Variants in STS observed in about 807,000 individuals in gnomAD.
The protein encoded by STS is steroid sulfatase, also known as steryl-sulfatase.
In STS, 7 loss-of-function variants were observed where a neutral mutation model predicts 26.8. The observed-to-expected ratio is 0.26, with a 90% CI of 0.15 to 0.49. STS has a LOEUF of 0.49. Ranked by LOEUF, STS falls within the 20% of genes least tolerant of loss-of-function variation. The pLI is 0.98. For missense variants in STS, 434 were observed against 465.6 expected (o/e 0.93, Z 0.63); for synonymous variants, 199 against 189.4 (o/e 1.05, Z -0.42).
chrX:7,324,969 G>C (rs181697960), intron 8 of STS, among the ~76,000 whole-genome samples: 73 of 111,153 alleles, frequency 6.6e-4, no homozygotes, highest in Non-Finnish European at 1.3e-4. Context: ...GCGGACACTT[G>C]GGGGCACCAT....
intron 2 of STS, among the ~76,000 whole-genome samples, chrX:7,194,790 C>T (rs1172903926): frequency 9.0e-6 from 1 of 111,695 alleles, no homozygotes; most frequent in East Asian, 2.8e-4. Context: ...GATACAGTCA[C>T]GCATCGCTGG....
intron 1 of STS, among the ~76,000 whole-genome samples, chrX:7,172,838 G>A (rs1469330822): frequency 3.6e-5 from 4 of 112,165 alleles, no homozygotes; most frequent in Non-Finnish European, 7.5e-5. Flanking sequence ...TGTTGGTGAT[G>A]TGGGACTTGA....
At chrX:7,228,330 T>C (rs1180104620) in intron 2 of STS, among the ~76,000 whole-genome samples, 1 of 111,933 alleles carries the variant, frequency 8.9e-6, no homozygotes, top group African/African-American at 3.2e-5. Context: ...AGCACCTTTT[T>C]GCATTTCCAC....
chrX:7,229,216 G>C (rs891648780), intron 2 of STS, among the ~76,000 whole-genome samples: 7 of 112,181 alleles, frequency 6.2e-5, no homozygotes, highest in African/African-American at 2.3e-4. Flanking sequence ...AACATCACAC[G>C]CTTCATCTGT....
At chrX:7,187,171 A>G (rs1457546898) in intron 1 of STS, among the ~76,000 whole-genome samples, 1 of 112,376 alleles carries the variant, frequency 8.9e-6, no homozygotes, top group Non-Finnish European at 1.9e-5. Flanking sequence ...TTGCTACCAC[A>G]GCACCCACAA....
chrX:7,320,782 G>A (rs1926990242), intron 8 of STS, among the ~76,000 whole-genome samples: 1 of 111,888 alleles, frequency 8.9e-6, no homozygotes, highest in South Asian at 3.7e-4. Flanking sequence ...ATCTGTCAGA[G>A]AATTACCTTC....
At chrX:7,291,204 T>G in intron 7 of STS, among the ~76,000 whole-genome samples, 1 of 111,453 alleles carries the variant, frequency 9.0e-6, no homozygotes, top group Non-Finnish European at 1.9e-5. Context: ...GAGTAGAAAT[T>G]CAGGATTGCT....
intron 7 of STS, among the ~76,000 whole-genome samples, chrX:7,286,182 A>T (rs1002936807): frequency 1.8e-5 from 2 of 111,688 alleles, no homozygotes; most frequent in African/African-American, 6.5e-5. Flanking sequence ...CATTAAATTT[A>T]TCTCCCACTC....
intron 1 of STS, among the ~76,000 whole-genome samples, chrX:7,183,619 A>C (rs1244004495): frequency 8.9e-6 from 1 of 112,545 alleles, no homozygotes; most frequent in Non-Finnish European, 1.9e-5. Flanking sequence ...AGACATTTCC[A>C]TTATGTAGAG....
At chrX:7,246,764 G>A (rs1014954023) in intron 2 of STS, among the ~76,000 whole-genome samples, 1 of 112,204 alleles carries the variant, frequency 8.9e-6, no homozygotes, top group Non-Finnish European at 1.9e-5. Flanking sequence ...TACACTCTCA[G>A]TCTGTGTCTT....
chrX:7,304,440 T>C (rs773022258), intron 7 of STS, among the ~76,000 whole-genome samples: 34 of 111,641 alleles, frequency 3.0e-4, no homozygotes, highest in African/African-American at 1.0e-3. Context: ...AGGAGGAATG[T>C]TGATATTTGT....
chrX:7,199,829 A>G (rs755252790), intron 2 of STS, among the ~76,000 whole-genome samples: 1 of 110,973 alleles, frequency 9.0e-6, no homozygotes, highest in South Asian at 3.8e-4. Flanking sequence ...CTGAGATCCA[A>G]ACTTTGACTC....
intron 8 of STS, among the ~76,000 whole-genome samples, chrX:7,322,382 A>G (rs1271012740): frequency 1.8e-5 from 2 of 111,468 alleles, no homozygotes; most frequent in African/African-American, 6.5e-5. Context: ...TGGCTGCCTC[A>G]ATGCAGATTC....
chrX:7,333,257 T>C (rs1262981191), intron 9 of STS, among the ~76,000 whole-genome samples: 1 of 112,583 alleles, frequency 8.9e-6, no homozygotes, highest in Non-Finnish European at 1.9e-5. Context: ...TAGCTGTTAA[T>C]TTATGTTTAA....
In STS at chrX:7,305,161, C is replaced by T. The variant is rs200234717; in HGVS notation, c.1059C>T (p.Gly353=). 290 of 1,209,072 alleles carry T rather than the reference C, an allele frequency of 2.4e-4. 1 individual carries two copies. The South Asian group carries it at 3.8e-3, about 16-fold the overall frequency. The change falls in exon 8 of 11, where the codon GGC becomes GGT. Residue 353 remains glycine (G), a synonymous_variant. Transcript: ENST00000674429. ...TGTCTTCCAAAGGAGAAATTCATGG[C>T]GGAAGTAATGGGATCTATAAAGGTG... ...EEVSSKGEIH[G]GSNGIYKGGK...
At chrX:7,262,807 TA>T (rs1446045618) in intron 6 of STS, among the ~76,000 whole-genome samples, 3 of 111,712 alleles carry the variant, frequency 2.7e-5, no homozygotes, top group Non-Finnish European at 5.6e-5. Context: ...CATTTGTAAG[TA>T]AAAAAGGTAG....
chrX:7,275,201 G>T (rs922819379), intron 6 of STS, among the ~76,000 whole-genome samples: 2 of 111,491 alleles, frequency 1.8e-5, no homozygotes, highest in African/African-American at 6.5e-5. Flanking sequence ...TAGTTAGACA[G>T]GAGGAATAGT....
intron 1 of STS, among the ~76,000 whole-genome samples, chrX:7,162,829 G>A (rs1276428442): frequency 3.0e-5 from 3 of 100,129 alleles, no homozygotes; most frequent in Non-Finnish European, 6.0e-5. Context: ...GGTGGATCAC[G>A]AGGTCAGGAG....
rs1601676741 is a variant in STS at position 7,238,922 on chromosome X, G to A, written c.-4-14274G>A. Among the ~76,000 whole-genome samples the A allele has an allele frequency of 2.7e-5, 3 of 111,356 alleles. 1 individual carries two copies. The highest frequency in any genetic ancestry group is 9.5e-5 in the Admixed American group (1 of 10,491). ...GCAACACTTAGTGTGTCTTCACTAAGTGAAGACTTCAGTGTAAAGACTTCA... is the reference window on the plus strand; with the variant it reads ...GCAACACTTAGTGTGTCTTCACTAAATGAAGACTTCAGTGTAAAGACTTCA... On this transcript the variant is annotated intron_variant, in intron 2 of 10. Coordinates refer to ENST00000674429, the MANE Select transcript of STS (RefSeq NM_001320752.2).
Sources: allele counts gnomAD v4.1 joint callset (sites outside exome capture counted in the v4.1 genomes callset), GRCh38; gene constraint gnomAD v4.1.1; transcripts MANE v1.5; gene names NCBI Gene and HGNC (gene_info 2026-07-23, HGNC 2026-07-21).